Variants in AAGAB observed in about 807,000 individuals in gnomAD.
AAGAB encodes the protein alpha and gamma adaptin binding protein, also known as alpha- and gamma-adaptin-binding protein p34.
AAGAB carries 38 observed loss-of-function variants against 44.1 expected under a neutral mutation model. The observed-to-expected ratio is 0.86, with a 90% CI of 0.67 to 1.13. AAGAB has a LOEUF of 1.13. AAGAB is among the 50% of genes most tolerant of loss of function. The probability of loss-of-function intolerance (pLI) is 0.00; values close to 1 mark genes in which losing one functional copy is unlikely to be tolerated. For missense variants in AAGAB, 450 were observed against 373.8 expected (o/e 1.20, Z -1.68); for synonymous variants, 131 against 131.8 (o/e 0.99, Z 0.04).
intron 5 of AAGAB, among the ~76,000 whole-genome samples, chr15:67,215,747 C>T (rs1483935471): frequency 1.3e-5 from 2 of 152,176 alleles, no homozygotes; most frequent in African/African-American, 4.8e-5. Flanking sequence ...ATTTCACTAG[C>T]ATCAGAGAAA....
chr15:67,217,886 T>G (rs1015279346), intron 5 of AAGAB, among the ~76,000 whole-genome samples: 1 of 152,236 alleles, frequency 6.6e-6, no homozygotes, highest in Admixed American at 6.5e-5. Flanking sequence ...AATGATTCCT[T>G]GAATTGGAAT....
chr15:67,227,649 C>A (rs762244100), intron 5 of AAGAB, among the ~76,000 whole-genome samples: 2 of 152,192 alleles, frequency 1.3e-5, no homozygotes, highest in Non-Finnish European at 2.9e-5. Flanking sequence ...AGGCACAGTT[C>A]ACTGGGCACA....
At chr15:67,223,775 T>C (rs1462749665) in intron 5 of AAGAB, among the ~76,000 whole-genome samples, 1 of 152,178 alleles carries the variant, frequency 6.6e-6, no homozygotes, top group East Asian at 1.9e-4. Context: ...ATGATGGCCT[T>C]CAAAGCCCCA....
chr15:67,250,365 C>G (rs1357596882), intron 1 of AAGAB, among the ~76,000 whole-genome samples: 2 of 152,016 alleles, frequency 1.3e-5, no homozygotes, highest in East Asian at 3.9e-4. Context: ...TTAGTAGAGA[C>G]GGGGTTTCTC....
intron 1 of AAGAB, among the ~76,000 whole-genome samples, chr15:67,243,532 TG>T (rs1964653490): frequency 6.6e-6 from 1 of 152,136 alleles, no homozygotes; most frequent in Admixed American, 6.5e-5. Context: ...AATAGGGGGA[TG>T]CCACTAGCAT....
intron 5 of AAGAB, among the ~76,000 whole-genome samples, chr15:67,222,233 C>CGT (rs1567020879): frequency 3.1e-5 from 2 of 63,508 alleles, no homozygotes; most frequent in Non-Finnish European, 6.0e-5. Flanking sequence ...CACGCGCACG[C>CGT]GCGCGCGCGC....
At chr15:67,229,303 C>T (rs868381512) in intron 5 of AAGAB, among the ~76,000 whole-genome samples, 1 of 151,808 alleles carries the variant, frequency 6.6e-6, no homozygotes, top group South Asian at 2.1e-4. Flanking sequence ...AGTGGTGGTG[C>T]GCGCCTGTAA....
intron 5 of AAGAB, among the ~76,000 whole-genome samples, chr15:67,209,759 C>T (rs1407016921): frequency 6.6e-6 from 1 of 152,160 alleles, no homozygotes; most frequent in Non-Finnish European, 1.5e-5. Context: ...CTCAAGTGAT[C>T]CTCCTTCCTC....
chr15:67,235,312 T>C (rs975354317), intron 4 of AAGAB, among the ~76,000 whole-genome samples: 4 of 152,246 alleles, frequency 2.6e-5, no homozygotes, highest in Admixed American at 6.5e-5. Context: ...GTAATTCAAT[T>C]ATCTGTAAGT....
At chr15:67,222,242 G>GCGCGCACACACACA (rs1367738219) in intron 5 of AAGAB, among the ~76,000 whole-genome samples, 37 of 90,128 alleles carry the variant, frequency 4.1e-4, no homozygotes, top group African/African-American at 4.9e-4. Flanking sequence ...GCGCGCGCGC[G>GCGCGCACACACACA]CACACACACA....
rs1348911857 is a variant in AAGAB at position 67,247,573 on chromosome 15, A to C, written c.73+6986T>G. 5.9e-5 allele frequency among the ~76,000 whole-genome samples: 9 copies of C among 152,310 alleles called. No individual in the cohort carries two copies. In the East Asian group the frequency reaches 1.5e-3, roughly 26 times the overall value. ...TTTTGTACAATATGGGCTGATGTGTAATACTTTTCCACTGGTATTTCTCCT... is the reference window on the plus strand; with the variant it reads ...TTTTGTACAATATGGGCTGATGTGTCATACTTTTCCACTGGTATTTCTCCT... On this transcript the variant is annotated intron_variant, in intron 1 of 9. Coordinates refer to ENST00000261880, the MANE Select transcript of AAGAB (RefSeq NM_024666.5).
chr15:67,204,857 T>G lies in AAGAB; in HGVS notation c.716-709A>C, dbSNP rs1963650962. Among the ~76,000 whole-genome samples the G allele has an allele frequency of 2.0e-5, 3 of 152,220 alleles. No individual in the cohort carries two copies. In the South Asian group the frequency reaches 6.2e-4, roughly 31 times the overall value. ...CCTGCCCATCCCACTTTCACAGGTC[T>G]CCTTCCTTAGAATTCTTTCTACACT... On this transcript the variant is annotated intron_variant, in intron 7 of 9. Transcript: ENST00000261880.
chr15:67,254,943 T>C (rs935833929), upstream of AAGAB: 1 of 1,613,370 alleles, frequency 6.2e-7, no homozygotes, highest in Non-Finnish European at 8.5e-7. Flanking sequence ...TCCATCTTAA[T>C]CCAGGTGGGA....
chr15:67,255,012 G>A, upstream of AAGAB: 4 of 1,499,086 alleles, frequency 2.7e-6, no homozygotes, highest in Non-Finnish European at 3.7e-6. Flanking sequence ...GAGGTCCCGC[G>A]CGCCGATTCA....
chr15:67,220,423 G>A (rs1964040531), intron 5 of AAGAB: 1 of 152,188 alleles, frequency 6.6e-6, no homozygotes, highest in Non-Finnish European at 1.5e-5. Flanking sequence ...ACACTGTCAT[G>A]GAAAAACATA....
At chr15:67,249,141 C>T (rs192859021) in intron 1 of AAGAB, among the ~76,000 whole-genome samples, 1 of 152,084 alleles carries the variant, frequency 6.6e-6, no homozygotes, top group Non-Finnish European at 1.5e-5. Context: ...TTCAAGGAAT[C>T]CTCCTGCCTC....
intron 1 of AAGAB, among the ~76,000 whole-genome samples, chr15:67,241,012 C>T (rs1964582307): frequency 6.7e-6 from 1 of 149,672 alleles, no homozygotes; most frequent in African/African-American, 2.5e-5. Context: ...AAGGTGAATT[C>T]CCCAAACACC....
intron 5 of AAGAB, among the ~76,000 whole-genome samples, chr15:67,210,686 A>G (rs1246649550): frequency 2.6e-5 from 4 of 152,190 alleles, no homozygotes; most frequent in African/African-American, 9.7e-5. Flanking sequence ...TGTTCCCCAG[A>G]ATGACCTGGA....
chr15:67,209,054 G>A (rs1963749041), intron 6 of AAGAB, among the ~76,000 whole-genome samples: 1 of 152,160 alleles, frequency 6.6e-6, no homozygotes, highest in Admixed American at 6.5e-5. Context: ...TGCTGACCAA[G>A]GTAAACCTGG....
Sources: allele counts gnomAD v4.1 joint callset (sites outside exome capture counted in the v4.1 genomes callset), GRCh38; gene constraint gnomAD v4.1.1; transcripts MANE v1.5; gene names NCBI Gene and HGNC (gene_info 2026-07-23, HGNC 2026-07-21).